RNPS1: variants seen among roughly 807,000 people sequenced by gnomAD.
The protein encoded by RNPS1 is RNA-binding protein with serine-rich domain 1.
For synonymous variants in RNPS1, 147 were observed against 150.0 expected (o/e 0.98, Z 0.15); for missense variants, 300 against 427.6 (o/e 0.70, Z 2.63).
rs1409361830 is a variant in RNPS1 at position 2,254,001 on chromosome 16, C to T, written c.881G>A (p.Arg294His). 7.8e-6 allele frequency: 12 copies of T among 1,535,432 alleles called. No homozygotes were observed. Among genetic ancestry groups the T allele is most frequent in the South Asian group, 1.2e-5 (1 of 81,950 alleles). ...GTTGGAGCTGGAGCGGCTCCTGTGG[C>T]GGCGGCGGCCCGGGGACCGTGATCT... ...RRRSRSPGRRRHRSRSSSNSS... is the reference protein window; with the variant it reads ...RRRSRSPGRRHHRSRSSSNSS... Residue 294 changes from arginine to histidine, a missense_variant, in exon 8 of 8, where the codon CGC becomes CAC. By Grantham distance (29) the Arg-to-His change is conservative (BLOSUM62 0). Coordinates refer to ENST00000320225, the MANE Select transcript of RNPS1 (RefSeq NM_080594.4).
chr16:2,260,130 G>A (rs1201588756), intron 6 of RNPS1, among the ~76,000 whole-genome samples: 1 of 137,874 alleles, frequency 7.3e-6, no homozygotes, highest in Non-Finnish European at 1.6e-5. Context: ...GAAACTATTT[G>A]TGTGTGTGTG....
chr16:2,263,358 G>T, intron 3 of RNPS1, 71 bp from the exon 4 acceptor site: 1 of 1,495,302 alleles, frequency 6.7e-7, no homozygotes, highest in Non-Finnish European at 9.2e-7. Flanking sequence ...CTCCAATTCT[G>T]TTGTGCTCCC....
In RNPS1 at chr16:2,263,195, C is replaced by G; in HGVS notation, c.320G>C (p.Gly107Ala). The G allele has an allele frequency of 6.2e-7, 1 of 1,613,826 alleles. No individual in the cohort carries two copies. Among genetic ancestry groups the G allele is most frequent in the Non-Finnish European group, 8.5e-7 (1 of 1,179,916 alleles). Residue 107 changes from glycine to alanine, a missense_variant, in exon 4 of 8, where the codon GGA becomes GCA. By Grantham distance (60) the Gly-to-Ala change is moderately conservative. Transcript: ENST00000320225. ...GGAGCTGCGGGAGGTGCTGGAGCTT[C>G]CTGAGCGGCTGGATGCTGAGGAAGA... ...SSSSSASSRS[G>A]SSSTSRSSSS...
intron 7 of RNPS1, 91 bp downstream of exon 7, chr16:2,255,494 G>A (rs1409651707): frequency 1.4e-6 from 2 of 1,426,374 alleles, no homozygotes; most frequent in Non-Finnish European, 1.9e-6. Context: ...AGCAGTGGAA[G>A]GCAGGCAGGG....
At chr16:2,254,518 C>T (rs973847723) in intron 7 of RNPS1, among the ~76,000 whole-genome samples, 12 of 152,008 alleles carry the variant, frequency 7.9e-5, no homozygotes, top group Non-Finnish European at 1.0e-4. Flanking sequence ...AGGATGGTCT[C>T]GATCTCCTGA....
At chr16:2,254,401 C>A (rs2093567424) in intron 7 of RNPS1, among the ~76,000 whole-genome samples, 1 of 152,156 alleles carries the variant, frequency 6.6e-6, no homozygotes, top group East Asian at 1.9e-4. Context: ...TCATGCCATT[C>A]TCCTGCCTCA....
intron 1 of RNPS1, 56 bp downstream of exon 1, chr16:2,267,999 G>A (rs1190024139): frequency 2.0e-6 from 3 of 1,533,258 alleles, no homozygotes; most frequent in East Asian, 2.4e-5. Context: ...GCGTCCTGCC[G>A]GGCCTGCCGG....
chr16:2,253,781 A>G lies in RNPS1; in HGVS notation c.*183T>C. The G allele has an allele frequency of 1.4e-6, 1 of 706,802 alleles. No individual in the cohort carries two copies. Among genetic ancestry groups the G allele is most frequent in the South Asian group, 1.5e-5 (1 of 66,156 alleles). The allele number at this position is 706,802 out of a possible 1,614,324, so 43.8% of individuals were successfully genotyped here. On this transcript the variant is annotated 3_prime_UTR_variant, in exon 8 of 8. Coordinates refer to ENST00000320225, the MANE Select transcript of RNPS1 (RefSeq NM_080594.4). ...CCGGAGGGAATCTTGACAGGCACAC[A>G]GCATCCAAACCAACAGCACTTCTGC...
chr16:2,263,282 C>T lies in RNPS1; in HGVS notation c.233G>A (p.Arg78Gln), dbSNP rs778608590. 46 of 1,613,754 alleles carry T rather than the reference C, an allele frequency of 2.9e-5. No homozygotes were observed. The highest frequency in any genetic ancestry group is 1.6e-4 in the Middle Eastern group (1 of 6,082). ...ASSGSSSTRS[R>Q]SSSTSSSGSS... is the part of the protein sequence containing the mutation. ...GCCTGAGCTGGAAGTCGAGCTGGAC[C>T]GAGACCTGAGGGCAAGATGAGGGGT... Residue 78 changes from arginine to glutamine, a missense_variant, in exon 4 of 8, where the codon CGG (arginine) becomes CAG (glutamine). Coordinates refer to ENST00000320225, the MANE Select transcript of RNPS1 (RefSeq NM_080594.4).
At chr16:2,255,440 TCTCC>T in intron 7 of RNPS1, 141 bp downstream of exon 7, 1 of 926,692 alleles carries the variant, frequency 1.1e-6, no homozygotes, top group Non-Finnish European at 1.6e-6. Flanking sequence ...CCTCCTGCTC[TCTCC>T]ATGAGCTCTG....
At chr16:2,265,089 A>T (rs892668887) in intron 1 of RNPS1, 4 of 163,762 alleles carry the variant, frequency 2.4e-5, no homozygotes, top group Non-Finnish European at 5.3e-5. Flanking sequence ...TCAAAATGCC[A>T]CAGCACCACA....
At position 2,253,614 on chromosome 16, in the gene RNPS1, T is replaced by A; in HGVS notation, c.*350A>T. 1 of 416,140 alleles carries A rather than the reference T, an allele frequency of 2.4e-6. No individual in the cohort carries two copies. Among genetic ancestry groups the A allele is most frequent in the Non-Finnish European group, 4.5e-6 (1 of 223,604 alleles). 25.8% of individuals were successfully genotyped at this position (416,140 alleles called of 1,614,324 possible). A position where few individuals can be genotyped will look rare whatever the true frequency, so the allele number is the denominator to read the frequency against. ...CAGCAAGGGCACGGCCTGGCCACCA[T>A]CCCAGGTCATCGGGGAAGGGAAAAG... On this transcript the variant is annotated 3_prime_UTR_variant, in exon 8 of 8. Transcript: ENST00000320225.
intron 6 of RNPS1, 47 bp downstream of exon 6, chr16:2,262,231 G>A (rs369941473): frequency 2.9e-5 from 46 of 1,575,178 alleles, no homozygotes; most frequent in Non-Finnish European, 3.6e-5. Context: ...AGCCCCTCGC[G>A]GCGGCGGGTC....
At chr16:2,261,144 A>T (rs1244293005) in intron 6 of RNPS1, among the ~76,000 whole-genome samples, 3 of 151,968 alleles carry the variant, frequency 2.0e-5, no homozygotes, top group Admixed American at 2.0e-4. Flanking sequence ...AAAAAAAAAA[A>T]TTGTTTCAAA....
At chr16:2,267,925 G>A (rs1243889059) in intron 1 of RNPS1, 130 bp downstream of exon 1, 1 of 1,529,598 alleles carries the variant, frequency 6.5e-7, no homozygotes, top group Non-Finnish European at 8.7e-7. Flanking sequence ...TCTTCTCGGA[G>A]CCCGCACCGC....
Position 2,263,137 on chromosome 16 carries a change from A to C in RNPS1, c.378T>G (p.Pro126=), listed in dbSNP as rs747561594. Residue 126 remains proline (P), a synonymous_variant, in exon 4 of 8, where the codon CCT becomes CCG. Transcript: ENST00000320225. Reference sequence around the variant, plus strand: ...TCCTGTTGTCGTGTCTGCGCCGAGAAGGACTTGGAGAGCCAGAAGAGCTGC... The same window carrying C: ...TCCTGTTGTCGTGTCTGCGCCGAGACGGACTTGGAGAGCCAGAAGAGCTGC... ...SSSSSSGSPS[P]SRRRHDNRRR... 1 of 1,612,140 alleles carries C rather than the reference A, an allele frequency of 6.2e-7. No individual in the cohort carries two copies. Among genetic ancestry groups the C allele is most frequent in the Non-Finnish European group, 8.5e-7 (1 of 1,178,858 alleles).
intron 7 of RNPS1, among the ~76,000 whole-genome samples, chr16:2,254,284 C>G (rs1331528747): frequency 6.6e-6 from 1 of 152,134 alleles, no homozygotes; most frequent in African/African-American, 2.4e-5. Context: ...TACAGGCGCG[C>G]GCCACCACGC....
At chr16:2,263,861 T>C (rs2141580433) in intron 3 of RNPS1, 1 of 321,024 alleles carries the variant, frequency 3.1e-6, no homozygotes, top group African/African-American at 2.2e-5. Context: ...TACAGATGCA[T>C]GCCACCACGC....
chr16:2,267,813 G>A (rs1339156172), intron 1 of RNPS1: 9 of 1,458,546 alleles, frequency 6.2e-6, no homozygotes, highest in Non-Finnish European at 7.2e-6. Flanking sequence ...GGCCACCGCC[G>A]AGCGGACGAA....
Sources: gnomAD v4.1 joint callset for allele counts (sites outside exome capture counted in the v4.1 genomes callset) on GRCh38, gnomAD v4.1.1 for gene constraint, MANE v1.5 for transcripts, NCBI Gene and HGNC (gene_info 2026-07-23, HGNC 2026-07-21) for gene names.